Variants in NPAS3 observed in about 807,000 individuals in gnomAD.
NPAS3 encodes the protein neuronal PAS domain protein 3.
A neutral mutation model predicts 73.1 loss-of-function variants in NPAS3; 14 were observed. The observed-to-expected ratio is 0.19, with a 90% CI of 0.13 to 0.30. The LOEUF (loss-of-function observed/expected upper bound fraction) is 0.30, where lower values mean the gene tolerates loss of function less well. Ranked by LOEUF, NPAS3 falls within the 10% of genes least tolerant of loss-of-function variation. The pLI is 1.00. For missense variants in NPAS3, 1,096 were observed against 1,250.0 expected (o/e 0.88, Z 1.86); for synonymous variants, 620 against 541.5 (o/e 1.14, Z -2.01).
intron 6 of NPAS3, among the ~76,000 whole-genome samples, chr14:33,734,115 A>G (rs979171948): frequency 4.6e-5 from 7 of 152,148 alleles, no homozygotes; most frequent in African/African-American, 1.4e-4. Context: ...AAATCTCTTT[A>G]TTACACATAT....
intron 5 of NPAS3, among the ~76,000 whole-genome samples, chr14:33,580,692 G>GA (rs979179917): frequency 6.6e-6 from 1 of 152,078 alleles, no homozygotes; most frequent in Non-Finnish European, 1.5e-5. Context: ...AGTTTTCTTA[G>GA]AAAAATCTCA....
chr14:33,795,325 T>G (rs2063480765), intron 10 of NPAS3, among the ~76,000 whole-genome samples: 1 of 152,204 alleles, frequency 6.6e-6, no homozygotes. Flanking sequence ...GTATTGAGTG[T>G]GGCTTTCTCC....
intron 3 of NPAS3, among the ~76,000 whole-genome samples, chr14:33,279,506 A>G (rs79774529): frequency 0.1 from 15,785 of 152,116 alleles, 1,070 homozygotes; most frequent in East Asian, 0.32. Context: ...ACTGGCTAGA[A>G]CCTTCTTCCT....
intron 3 of NPAS3, among the ~76,000 whole-genome samples, chr14:33,259,902 A>G (rs12586734): frequency 0.031 from 4,704 of 151,426 alleles, 193 homozygotes; most frequent in East Asian, 0.22. Flanking sequence ...ATGAAATCAG[A>G]TATGAATCTG....
intron 9 of NPAS3, among the ~76,000 whole-genome samples, chr14:33,789,433 C>T (rs555155206): frequency 6.6e-6 from 1 of 152,258 alleles, no homozygotes; most frequent in South Asian, 2.1e-4. Flanking sequence ...GAGATGTTCC[C>T]AGTTACGTCT....
intron 5 of NPAS3, among the ~76,000 whole-genome samples, chr14:33,599,027 G>C (rs1207295326): frequency 6.6e-6 from 1 of 152,162 alleles, no homozygotes; most frequent in Non-Finnish European, 1.5e-5. Flanking sequence ...CAACAGAAGA[G>C]AGTGCATTTA....
At chr14:33,422,404 A>C (rs557023922) in intron 4 of NPAS3, among the ~76,000 whole-genome samples, 6 of 152,134 alleles carry the variant, frequency 3.9e-5, no homozygotes, top group African/African-American at 1.4e-4. Flanking sequence ...AAGCAAGAAA[A>C]AAGAATGAAG....
chr14:33,368,510 T>G (rs1240999312), intron 4 of NPAS3, among the ~76,000 whole-genome samples: 1 of 152,130 alleles, frequency 6.6e-6, no homozygotes, highest in African/African-American at 2.4e-5. Context: ...CTGAGATAAT[T>G]TGGATGTTCC....
At chr14:33,027,369 G>A (rs2039844560) in intron 1 of NPAS3, among the ~76,000 whole-genome samples, 1 of 152,096 alleles carries the variant, frequency 6.6e-6, no homozygotes, top group African/African-American at 2.4e-5. Context: ...GCTGGAAAAG[G>A]CCTGATTTTC....
At chr14:33,121,838 A>G (rs1461146550) in intron 2 of NPAS3, among the ~76,000 whole-genome samples, 1 of 152,172 alleles carries the variant, frequency 6.6e-6, no homozygotes. Flanking sequence ...GAATTAAAAA[A>G]TGTATTTCTA....
rs369007519 is a variant in NPAS3, at chr14:33,800,761, G to C, written c.2454G>C (p.Thr818=). 1.9e-6 allele frequency: 3 copies of C among 1,569,618 alleles called. No individual in the cohort carries two copies. Among genetic ancestry groups the C allele is most frequent in the Non-Finnish European group, 2.6e-6 (3 of 1,159,238 alleles). Residue 818 remains threonine, a synonymous_variant, in exon 12 of 12, where the codon ACG becomes ACC. Transcript: ENST00000356141. This position sits in a 1 kb window ranked among gnomAD's most constrained non-coding sequence, Gnocchi z 6.5. ...CCGGGACCCTGGCCGCCACCAGCAC[G>C]GCCGCGCAGAGGGTCTACACCACGG...
chr14:33,703,333 A>T (rs542350206), intron 6 of NPAS3, among the ~76,000 whole-genome samples: 12 of 152,108 alleles, frequency 7.9e-5, no homozygotes, highest in East Asian at 1.9e-4. Context: ...CAAAAAAAAA[A>T]TTTTGAAAAC....
chr14:33,291,467 A>T (rs1222761599), intron 3 of NPAS3, among the ~76,000 whole-genome samples: 1 of 152,174 alleles, frequency 6.6e-6, no homozygotes, highest in African/African-American at 2.4e-5. Context: ...GTAAATGTTG[A>T]TTTTATCATT....
At chr14:33,117,849 C>A (rs971048494) in intron 2 of NPAS3, among the ~76,000 whole-genome samples, 2 of 152,080 alleles carry the variant, frequency 1.3e-5, no homozygotes, top group African/African-American at 4.8e-5. Flanking sequence ...CTGTCAAAAT[C>A]TTTGACATTT....
chr14:33,685,079 G>A (rs1019055637), intron 6 of NPAS3, among the ~76,000 whole-genome samples: 3 of 152,236 alleles, frequency 2.0e-5, no homozygotes, highest in South Asian at 2.1e-4. Context: ...ACTTGCTAAC[G>A]GGGATTGTGT....
chr14:32,960,761 A>G (rs1387298494), intron 1 of NPAS3, among the ~76,000 whole-genome samples: 1 of 152,212 alleles, frequency 6.6e-6, no homozygotes, highest in Non-Finnish European at 1.5e-5. Flanking sequence ...ATTAGAAAAA[A>G]GGAAAGAACT....
chr14:33,453,677 G>A (rs8006708), intron 4 of NPAS3, among the ~76,000 whole-genome samples: 131,562 of 152,208 alleles, frequency 0.86, 56,996 homozygotes, highest in East Asian at 0.98. Flanking sequence ...TCACCAGTTC[G>A]GATTTTAAGA....
At chr14:33,742,543 G>A (rs958590425) in intron 7 of NPAS3, among the ~76,000 whole-genome samples, 1 of 152,178 alleles carries the variant, frequency 6.6e-6, no homozygotes, top group Non-Finnish European at 1.5e-5. Flanking sequence ...ACAATCATCT[G>A]AGCCTTCAGC....
At chr14:33,358,063 A>C (rs1461198681) in intron 3 of NPAS3, among the ~76,000 whole-genome samples, 1 of 152,154 alleles carries the variant, frequency 6.6e-6, no homozygotes. Flanking sequence ...GGACAAGCAC[A>C]TCCTGGAAAT....
Sources: allele counts gnomAD v4.1 joint callset (sites outside exome capture counted in the v4.1 genomes callset), GRCh38; gene constraint gnomAD v4.1.1; non-coding constraint Gnocchi (gnomAD v3.1); transcripts MANE v1.5; gene names NCBI Gene and HGNC (gene_info 2026-07-23, HGNC 2026-07-21).